The following ANGPTL1 variants were observed in gnomAD, a reference collection of about 807,000 sequenced individuals.
ANGPTL1 encodes angiopoietin like 1.
A neutral mutation model predicts 46.7 loss-of-function variants in ANGPTL1; 36 were observed. The observed-to-expected ratio is 0.77, with a 90% CI of 0.59 to 1.02. The LOEUF (loss-of-function observed/expected upper bound fraction) is 1.02. ANGPTL1 is among the 50% of genes least tolerant of loss of function. The pLI, the probability that ANGPTL1 is intolerant of heterozygous loss-of-function variation, is 0.00. For synonymous variants in ANGPTL1, 221 were observed against 204.3 expected (o/e 1.08, Z -0.69); for missense variants, 571 against 594.7 (o/e 0.96, Z 0.41).
rs1657254893 is a variant in ANGPTL1, at chr1:178,852,701, C to G, written c.1270G>C (p.Asp424His). ...TACTTACCTGCATACATATCTTTAT[C>G]TCTGTCCAGTGTGGTGAATTGTTTA... Reference protein sequence around the residue: ...NGKQFTTLDRDKDMYAGNCAH... With the variant: ...NGKQFTTLDRHKDMYAGNCAH... Residue 424 changes from aspartate (D) to histidine (H), a missense_variant, in exon 5 of 6, where the codon GAT (aspartate) becomes CAT (histidine). Asp to His is a moderately conservative substitution (Grantham distance 81, BLOSUM62 -1). Transcript: ENST00000234816. 1 of 1,613,332 alleles carries G rather than the reference C, an allele frequency of 6.2e-7. No individual in the cohort carries two copies. Among genetic ancestry groups the G allele is most frequent in the African/African-American group, 1.3e-5 (1 of 74,872 alleles).
chr1:178,864,305 A>G (rs1658235370), intron 3 of ANGPTL1, among the ~76,000 whole-genome samples: 1 of 152,088 alleles, frequency 6.6e-6, no homozygotes, highest in Non-Finnish European at 1.5e-5. Context: ...GAACATTTAT[A>G]TTTCTTAGGA....
At chr1:178,854,132 T>C (rs1018800529) in intron 3 of ANGPTL1, among the ~76,000 whole-genome samples, 30 of 152,146 alleles carry the variant, frequency 2.0e-4, no homozygotes, top group African/African-American at 5.5e-4. Context: ...TTTTTATCCT[T>C]CTATCATTGG....
Position 178,865,821 on chromosome 1 carries a change from G to A in ANGPTL1, c.-26-19C>T, listed in dbSNP as rs370418394. ...ATGATGTCTTTTGAAAAACAAATCA[G>A]TGAAGGAGAAAAAGCAAAAAGAATT... On this transcript the variant is annotated intron_variant, in intron 2 of 5. Transcript: ENST00000234816. 1 of 1,442,460 alleles carries A rather than the reference G, an allele frequency of 6.9e-7. No individual in the cohort carries two copies. The highest frequency in any genetic ancestry group is 9.3e-7 in the Non-Finnish European group (1 of 1,073,588). The allele number at this position is 1,442,460 out of a possible 1,614,324, so 89.4% of individuals were successfully genotyped here.
In ANGPTL1 at chr1:178,853,661, C is replaced by A. The variant is rs548240641; in HGVS notation, c.950G>T (p.Gly317Val). The change falls in exon 4 of 6, where the codon GGT becomes GTT. Residue 317 changes from glycine (G) to valine (V), a missense_variant. Transcript: ENST00000234816. The part of the protein sequence containing the change: ...LWCENSLDPG[G>V]WTVIQKRTDG... The stretch of plus-strand genomic sequence containing the variant: ...TGTTCTTTTCTGAATAACAGTCCAA[C>A]CCCCAGGGTCCAAACTGTTTTCACA... 2 of 1,612,432 alleles carry A rather than the reference C, an allele frequency of 1.2e-6. No homozygotes were observed. Among genetic ancestry groups the A allele is most frequent in the Non-Finnish European group, 1.7e-6 (2 of 1,179,222 alleles).
intron 3 of ANGPTL1, among the ~76,000 whole-genome samples, chr1:178,860,451 T>C (rs1468824979): frequency 1.3e-5 from 2 of 152,212 alleles, no homozygotes; most frequent in Non-Finnish European, 2.9e-5. Flanking sequence ...AAATGTGATA[T>C]GCATAATTAC....
At position 178,853,624 on chromosome 1, in the gene ANGPTL1, G is replaced by A; in HGVS notation, c.987C>T (p.Val329=). The A allele has an allele frequency of 6.2e-7, 1 of 1,601,294 alleles. No individual in the cohort carries two copies. The highest frequency in any genetic ancestry group is 8.5e-7 in the Non-Finnish European group (1 of 1,175,210). The change falls in exon 4 of 6, where the codon GTC becomes GTT. Residue 329 remains valine, a synonymous_variant. Transcript: ENST00000234816. ...AATTTTCCCAATTTCTGAAGAAGTTGACAGAGCCGTCTGTTCTTTTCTGAA... is the reference window on the plus strand; with the variant it reads ...AATTTTCCCAATTTCTGAAGAAGTTAACAGAGCCGTCTGTTCTTTTCTGAA... ...TVIQKRTDGS[V]NFFRNWENYK...
intron 1 of ANGPTL1, among the ~76,000 whole-genome samples, chr1:178,869,923 A>G (rs1572433002): frequency 6.6e-6 from 1 of 152,144 alleles, no homozygotes; most frequent in East Asian, 1.9e-4. Flanking sequence ...TGTGCTTAAC[A>G]AAATTATTTC....
At chr1:178,851,417 A>G (rs542935704) in intron 5 of ANGPTL1, 101 bp from the exon 6 acceptor site, 270 of 1,061,296 alleles carry the variant, frequency 2.5e-4, no homozygotes, top group Non-Finnish European at 3.2e-4. Context: ...AACTTCCCTT[A>G]CTAATCCCAG....
chr1:178,851,331 T>A lies in ANGPTL1; in HGVS notation c.1289-15A>T, dbSNP rs1572400409. The A allele has an allele frequency of 6.3e-7, 1 of 1,598,696 alleles. No homozygotes were observed. Among genetic ancestry groups the A allele is most frequent in the Non-Finnish European group, 8.5e-7 (1 of 1,173,758 alleles). ...GGCGCAGTTTCCTTTGAGGAAAAAA[T>A]ACAGATATAAATGTAAAAGTTTCTT... is the stretch of plus-strand genomic sequence containing the variant. On this transcript the variant is annotated splice_polypyrimidine_tract_variant and intron_variant, in intron 5 of 5. Transcript: ENST00000234816.
intron 3 of ANGPTL1, among the ~76,000 whole-genome samples, chr1:178,856,200 G>GATATATATAT (rs1348083361): frequency 2.7e-4 from 11 of 40,934 alleles, no homozygotes; most frequent in African/African-American, 1.0e-3. Context: ...CAGAGAGAGA[G>GATATATATAT]AGATATATAT....
intron 3 of ANGPTL1, among the ~76,000 whole-genome samples, chr1:178,855,599 T>G (rs878861480): frequency 1.3e-5 from 2 of 151,944 alleles, no homozygotes; most frequent in Admixed American, 1.3e-4. Context: ...GGTATTGTAT[T>G]TTTTAGTTCT....
intron 5 of ANGPTL1, among the ~76,000 whole-genome samples, chr1:178,851,756 G>A (rs1657189456): frequency 6.6e-6 from 1 of 152,134 alleles, no homozygotes; most frequent in South Asian, 2.1e-4. Context: ...TAAGACATAT[G>A]TTATGGTCTA....
rs973517021 is a variant in ANGPTL1 at position 178,850,322 on chromosome 1, C to A, written c.*807G>T. Reference sequence around the variant, plus strand: ...AATAAATTAGAACTATAATTCAGATCTGTAGCACACTAAATATTCTGCATT... The same window carrying A: ...AATAAATTAGAACTATAATTCAGATATGTAGCACACTAAATATTCTGCATT... On this transcript the variant is annotated 3_prime_UTR_variant, in exon 6 of 6. Transcript: ENST00000234816. 1.3e-5 allele frequency: 2 copies of A among 152,450 alleles called. No individual in the cohort carries two copies. The highest frequency in any genetic ancestry group is 2.9e-5 in the Non-Finnish European group (2 of 68,012). The allele number at this position is 152,450 out of a possible 1,614,324, so 9.4% of individuals were successfully genotyped here.
chr1:178,859,019 A>G (rs1206715243), intron 3 of ANGPTL1, among the ~76,000 whole-genome samples: 3 of 152,164 alleles, frequency 2.0e-5, no homozygotes, highest in Admixed American at 6.5e-5. Context: ...AATATATTCA[A>G]CATTTCTGGA....
At chr1:178,870,302 A>C (rs982886384) in intron 1 of ANGPTL1, among the ~76,000 whole-genome samples, 1 of 152,198 alleles carries the variant, frequency 6.6e-6, no homozygotes, top group Non-Finnish European at 1.5e-5. Flanking sequence ...GAAATCCAAC[A>C]GTTTATGTAT....
chr1:178,865,724 G>A lies in ANGPTL1; in HGVS notation c.53C>T (p.Thr18Ile), dbSNP rs1001307337. 4.5e-5 allele frequency: 73 copies of A among 1,613,182 alleles called. 1 individual carries two copies. Among genetic ancestry groups the A allele is most frequent in the Non-Finnish European group, 5.9e-6 (7 of 1,179,904 alleles). Residue 18 changes from threonine (T) to isoleucine (I), a missense_variant, in exon 3 of 6, where the codon ACT (threonine) becomes ATT (isoleucine). Transcript: ENST00000234816. ...GAATTGTCCACCTCTGCAATGTCCA[G>A]TGTCCACTAGTAGGAAGAATAGCAC... is the stretch of plus-strand genomic sequence containing the variant. ...LGVLFFLLVDTGHCRGGQFKI... is the reference protein window; with the variant it reads ...LGVLFFLLVDIGHCRGGQFKI...
chr1:178,855,903 GTTGT>G (rs762700088), intron 3 of ANGPTL1, among the ~76,000 whole-genome samples: 16 of 149,398 alleles, frequency 1.1e-4, no homozygotes, highest in Non-Finnish European at 2.2e-4. Context: ...TTTTCTTTTT[GTTGT>G]TTGTTAATAC....
chr1:178,864,614 G>A (rs1228592318), intron 3 of ANGPTL1, among the ~76,000 whole-genome samples: 1 of 152,146 alleles, frequency 6.6e-6, no homozygotes, highest in Admixed American at 6.6e-5. Flanking sequence ...CGACGACCTA[G>A]CTAGAAGCTG....
At position 178,851,266 on chromosome 1, in the gene ANGPTL1, G is replaced by A. The variant is rs750154177; in HGVS notation, c.1339C>T (p.His447Tyr). Residue 447 changes from histidine to tyrosine, a missense_variant, in exon 6 of 6, where the codon CAT (histidine) becomes TAT (tyrosine). Physicochemically the swap from His to Tyr is moderately conservative, Grantham distance 83. Coordinates refer to ENST00000234816, the MANE Select transcript of ANGPTL1 (RefSeq NM_004673.4). ...TACCATACTCCATTTAGGTTAGAAT[G>A]TGCACAGGCATTGTACCACCAGCCT... Reference protein sequence around the residue: ...KGGWWYNACAHSNLNGVWYRG... With the variant: ...KGGWWYNACAYSNLNGVWYRG... The A allele has an allele frequency of 5.0e-6, 8 of 1,613,648 alleles. No individual in the cohort carries two copies. The Admixed American group carries it at 1.3e-4, about 27-fold the overall frequency.
Sources: gnomAD v4.1 joint callset for allele counts (sites outside exome capture counted in the v4.1 genomes callset) on GRCh38, gnomAD v4.1.1 for gene constraint, MANE v1.5 for transcripts, NCBI Gene and HGNC (gene_info 2026-07-23, HGNC 2026-07-21) for gene names.